The following CLIP1 variants were observed in gnomAD, a reference collection of about 807,000 sequenced individuals.
CLIP1 encodes CAP-Gly domain containing linker protein 1.
In CLIP1, 66 loss-of-function variants were observed where a neutral mutation model predicts 161.6. The observed-to-expected ratio is 0.41, with a 90% CI of 0.33 to 0.50. CLIP1 has a LOEUF of 0.50. Among genes scored for constraint, CLIP1 ranks in the 20% least tolerant of loss-of-function variants. The pLI, the probability that CLIP1 is intolerant of heterozygous loss-of-function variation, is 0.27. For synonymous variants in CLIP1, 598 were observed against 626.2 expected, an observed-to-expected ratio of 0.96 and a Z score of 0.67; for missense variants, 1,376 against 1,702.0, an observed-to-expected ratio of 0.81 and a Z score of 3.37.
At chr12:122,355,000 C>A in intron 6 of CLIP1, 115 bp downstream of exon 6, 1 of 860,652 alleles carries the variant, frequency 1.2e-6, no homozygotes, top group Non-Finnish European at 1.9e-6. Flanking sequence ...GAAATGTACA[C>A]CCATTTCTTG....
At chr12:122,421,904 G>T (rs192989202) in intron 1 of CLIP1, among the ~76,000 whole-genome samples, 1 of 152,210 alleles carries the variant, frequency 6.6e-6, no homozygotes, top group East Asian at 1.9e-4. Flanking sequence ...ACCGGGCAGC[G>T]GTGTGATTTC....
At chr12:122,322,297 C>G (rs1175280683) in intron 17 of CLIP1, 2 of 152,590 alleles carry the variant, frequency 1.3e-5, no homozygotes, top group Non-Finnish European at 2.9e-5. Context: ...TTTCCTTCTC[C>G]TTCAGGAGCT....
chr12:122,365,626 G>C (rs1248604271), intron 3 of CLIP1: 11 of 952,946 alleles, frequency 1.2e-5, no homozygotes, highest in Non-Finnish European at 1.7e-5. Context: ...ATGAATTCAT[G>C]GCATAATAGA....
At chr12:122,359,749 CCGA>C (rs1196834957) in intron 5 of CLIP1, among the ~76,000 whole-genome samples, 3 of 152,266 alleles carry the variant, frequency 2.0e-5, no homozygotes, top group African/African-American at 7.2e-5. Flanking sequence ...CCTTCTCTGC[CCGA>C]CGACAATGGA....
At position 122,272,820 on chromosome 12, in the gene CLIP1, C is replaced by T. The variant is rs1192360087; in HGVS notation, c.*55G>A. On this transcript the variant is annotated 3_prime_UTR_variant, in exon 26 of 26. Coordinates refer to ENST00000620786, the MANE Select transcript of CLIP1 (RefSeq NM_001247997.2). ...GTCTGCACACACAATGCTGGTGTTA[C>T]GTTGTGTCAATGCGAGTGCGTCTGA... is the stretch of plus-strand genomic sequence containing the variant. The T allele has an allele frequency of 9.1e-6, 13 of 1,436,260 alleles. No individual in the cohort carries two copies. In the East Asian group the frequency reaches 9.1e-5, roughly 10 times the overall value. The allele number at this position is 1,436,260 out of a possible 1,614,324, so 89.0% of individuals were successfully genotyped here. A position where few individuals can be genotyped will look rare whatever the true frequency, so the allele number is the denominator to read the frequency against.
rs377200270 is a variant in CLIP1, at chr12:122,337,002, CCT to C, written c.2452-256_2452-255del. Reference sequence around the variant, plus strand: ...TCTTTCTTTCTGACACAGGGTCTCCCCTGTCACCCAGGCTAGAGTGCAGTGGT... The same window carrying C: ...TCTTTCTTTCTGACACAGGGTCTCCCGTCACCCAGGCTAGAGTGCAGTGGT... On this transcript the variant is annotated intron_variant, in intron 11 of 25. Transcript: ENST00000620786. Among the ~76,000 whole-genome samples, 522 of 151,202 alleles carry C rather than the reference CCT, an allele frequency of 3.5e-3. 1 individual carries two copies. Among genetic ancestry groups the C allele is most frequent in the African/African-American group, 0.012 (491 of 41,336 alleles).
intron 1 of CLIP1, among the ~76,000 whole-genome samples, chr12:122,417,318 A>T (rs1339696110): frequency 6.6e-6 from 1 of 150,810 alleles, no homozygotes; most frequent in African/African-American, 2.5e-5. Context: ...AAAACAAAAC[A>T]AAACTTACTG....
intron 4 of CLIP1, among the ~76,000 whole-genome samples, chr12:122,362,955 A>G (rs1480704006): frequency 2.0e-5 from 3 of 152,158 alleles, no homozygotes; most frequent in African/African-American, 7.2e-5. Context: ...ATGAGTCATA[A>G]TTACTGTATC....
intron 18 of CLIP1, 43 bp downstream of exon 18, chr12:122,319,189 G>T: frequency 1.5e-6 from 2 of 1,294,478 alleles, no homozygotes; most frequent in African/African-American, 1.5e-5. Flanking sequence ...CTACCAAGTT[G>T]GTAAGCTGTT....
At chr12:122,292,561 C>T (rs1217641082) in intron 20 of CLIP1, among the ~76,000 whole-genome samples, 2 of 152,168 alleles carry the variant, frequency 1.3e-5, no homozygotes, top group Non-Finnish European at 2.9e-5. Flanking sequence ...TTTCTCTATG[C>T]ACTTCTGACT....
intron 1 of CLIP1, among the ~76,000 whole-genome samples, chr12:122,387,572 ATATATATATATATATATATTT>A (rs1333085064): frequency 0.023 from 181 of 7,886 alleles, no homozygotes; most frequent in African/African-American, 0.056. Context: ...ATATATATAT[ATATATATATATATATATATTT>A]TTTTTTTTTT....
In CLIP1 at chr12:122,341,414, T is replaced by C. The variant is rs1353415524; in HGVS notation, c.1790A>G (p.Lys597Arg). 6.2e-7 allele frequency: 1 copy of C among 1,614,158 alleles called. No homozygotes were observed. The highest frequency in any genetic ancestry group is 2.2e-5 in the East Asian group (1 of 44,890). ...EIKALYTATE[K>R]LSKENESLKS... ...CAATGACTCGTTCTCTTTGGAAAGC[T>C]TTTCCGTGGCGGTATACAGAGCCTT... The change falls in exon 11 of 26, where the codon AAG becomes AGG. Residue 597 changes from lysine to arginine, a missense_variant. By Grantham distance (26) the Lys-to-Arg change is conservative. This residue lies in a region of CLIP1 where 948 missense variants were observed against 1,134.8 expected (regional missense o/e 0.84). Transcript: ENST00000620786.
intron 1 of CLIP1, among the ~76,000 whole-genome samples, chr12:122,392,252 T>C (rs953077304): frequency 2.0e-5 from 3 of 152,074 alleles, no homozygotes; most frequent in African/African-American, 4.8e-5. Context: ...GCCTGGGCAA[T>C]AGAACGAGCC....
chr12:122,336,450 T>C (rs534899898), intron 12 of CLIP1, among the ~76,000 whole-genome samples, 182 bp downstream of exon 12: 83 of 151,782 alleles, frequency 5.5e-4, no homozygotes, highest in African/African-American at 1.9e-3. Flanking sequence ...CCTACCTTTG[T>C]TGTTTGGGTT....
chr12:122,340,737 G>C lies in CLIP1; in HGVS notation c.2451+16C>G. 6.6e-7 allele frequency: 1 copy of C among 1,516,294 alleles called. No individual in the cohort carries two copies. The highest frequency in any genetic ancestry group is 2.3e-5 in the East Asian group (1 of 43,940). The allele number at this position is 1,516,294 out of a possible 1,614,324, so 93.9% of individuals were successfully genotyped here. ...AACAAATGGAAAAGAAAAGAATGGA[G>C]GATGTCAATACAAACCTTGCTACTT... On this transcript the variant is annotated intron_variant, in intron 11 of 25. Coordinates refer to ENST00000620786, the MANE Select transcript of CLIP1 (RefSeq NM_001247997.2).
chr12:122,336,388 C>T (rs1253933285), intron 12 of CLIP1, among the ~76,000 whole-genome samples: 2 of 141,768 alleles, frequency 1.4e-5, no homozygotes, highest in African/African-American at 2.6e-5. Context: ...CAAAGCAGTG[C>T]GTTACCAAAG....
At chr12:122,333,206 G>T in intron 14 of CLIP1, 63 bp from the exon 15 acceptor site, 1 of 1,224,462 alleles carries the variant, frequency 8.2e-7, no homozygotes, top group Non-Finnish European at 1.2e-6. Context: ...CTGACTGAGT[G>T]TATTCTTGCT....
At chr12:122,298,989 T>C (rs1950574349) in intron 20 of CLIP1, among the ~76,000 whole-genome samples, 1 of 152,130 alleles carries the variant, frequency 6.6e-6, no homozygotes, top group South Asian at 2.1e-4. Context: ...ATGGTGTGGC[T>C]ACAGGGCGGG....
At chr12:122,292,501 T>G (rs1950288364) in intron 20 of CLIP1, among the ~76,000 whole-genome samples, 1 of 152,180 alleles carries the variant, frequency 6.6e-6, no homozygotes, top group African/African-American at 2.4e-5. Flanking sequence ...GTACACAAAA[T>G]ATTCCAAGCT....
Sources: gnomAD v4.1 joint callset for allele counts (sites outside exome capture counted in the v4.1 genomes callset) on GRCh38, gnomAD v4.1.1 for gene constraint, gnomAD v4.1.1 regional missense constraint, MANE v1.5 for transcripts, NCBI Gene and HGNC (gene_info 2026-07-23, HGNC 2026-07-21) for gene names.